Variants in BCAR3 observed in about 807,000 individuals in gnomAD.
BCAR3 encodes breast cancer anti-estrogen resistance protein 3.
In BCAR3, 37 loss-of-function variants were observed where a neutral mutation model predicts 80.1. The observed-to-expected ratio is 0.46, with a 90% CI of 0.36 to 0.61. The LOEUF (loss-of-function observed/expected upper bound fraction) is 0.61. Among genes scored for constraint, BCAR3 ranks in the 20% least tolerant of loss-of-function variants. The pLI, the probability that BCAR3 is intolerant of heterozygous loss-of-function variation, is 0.00. For synonymous variants in BCAR3, 389 were observed against 418.9 expected, an observed-to-expected ratio of 0.93 and a Z score of 0.87; for missense variants, 978 against 1,068.2, an observed-to-expected ratio of 0.92 and a Z score of 1.18.
intron 2 of BCAR3, among the ~76,000 whole-genome samples, chr1:93,826,564 C>T (rs1043662436): frequency 3.0e-4 from 45 of 152,250 alleles, no homozygotes; most frequent in African/African-American, 1.1e-3. Flanking sequence ...GAGGGCCTAC[C>T]GTGTGCAGGA....
Position 93,589,345 on chromosome 1 carries a change from G to C in BCAR3, c.561C>G (p.Val187=). 2 of 1,613,998 alleles carry C rather than the reference G, an allele frequency of 1.2e-6. No individual in the cohort carries two copies. The highest frequency in any genetic ancestry group is 2.2e-5 in the East Asian group (1 of 44,896). ...RDSLSSPGNF[V]LTCQWKNLAQ... ...CGAGGTTCTTCCACTGACAGGTCAG[G>C]ACAAAGTTCCCAGGGCTGGACAGAG... The change falls in exon 5 of 12, where the codon GTC becomes GTG. Residue 187 remains valine, a synonymous_variant. Transcript: ENST00000260502.
intron 5 of BCAR3, among the ~76,000 whole-genome samples, 186 bp from the exon 6 acceptor site, chr1:93,584,307 T>C (rs79599593): frequency 0.011 from 1,711 of 152,282 alleles, 10 homozygotes; most frequent in South Asian, 0.019. Flanking sequence ...GGACGATTAA[T>C]ATATGACTGT....
chr1:93,757,002 G>A lies in BCAR3; in HGVS notation c.-62-50860C>T, dbSNP rs370144171. Among the ~76,000 whole-genome samples, 91 of 152,300 alleles carry A rather than the reference G, an allele frequency of 6.0e-4. 1 individual carries two copies. The highest frequency in any genetic ancestry group is 2.2e-3 in the African/African-American group (91 of 41,576). ...GCTGGACTGGCCTCTTTGGAGTTAG[G>A]GAGGGGTGGGGAGGACCTGCAGGCA... is the stretch of plus-strand genomic sequence containing the variant. On this transcript the variant is annotated intron_variant, in intron 2 of 13. Transcript: ENST00000370244.
chr1:93,681,253 T>A (rs1352819710), intron 1 of BCAR3: 1 of 151,280 alleles, frequency 6.6e-6, no homozygotes, highest in Non-Finnish European at 1.5e-5. Flanking sequence ...GGGCAGGGGG[T>A]CGGGCGAGGC....
chr1:93,834,753 T>C (rs570129143), intron 2 of BCAR3, among the ~76,000 whole-genome samples: 1 of 152,332 alleles, frequency 6.6e-6, no homozygotes, highest in East Asian at 1.9e-4. Context: ...CTGATGCACA[T>C]ACTTTCTGCC....
chr1:93,735,413 A>G (rs978505275), intron 2 of BCAR3, among the ~76,000 whole-genome samples: 1 of 152,220 alleles, frequency 6.6e-6, no homozygotes, highest in African/African-American at 2.4e-5. Context: ...CATGGCAGAC[A>G]ACATGGGATC....
At chr1:93,741,315 C>A (rs1324719557) in intron 2 of BCAR3, among the ~76,000 whole-genome samples, 7 of 152,098 alleles carry the variant, frequency 4.6e-5, no homozygotes, top group Non-Finnish European at 8.8e-5. Context: ...CTCCACAAAG[C>A]CATTACAGTT....
intron 3 of BCAR3, among the ~76,000 whole-genome samples, chr1:93,699,635 A>G (rs1328108176): frequency 6.6e-6 from 1 of 152,170 alleles, no homozygotes; most frequent in Non-Finnish European, 1.5e-5. Flanking sequence ...CCCTCCAGCC[A>G]GCCTTTCAAC....
chr1:93,762,581 C>A (rs140277800), intron 2 of BCAR3, among the ~76,000 whole-genome samples: 1 of 152,184 alleles, frequency 6.6e-6, no homozygotes, highest in Non-Finnish European at 1.5e-5. Flanking sequence ...AGGGACCTGA[C>A]GTGCTACGGA....
intron 2 of BCAR3, among the ~76,000 whole-genome samples, chr1:93,822,343 A>AT (rs34589621): frequency 0.31 from 44,901 of 142,778 alleles, 9,941 homozygotes; most frequent in African/African-American, 0.64. Context: ...CGCATGGCTA[A>AT]TTTTTTTTTT....
intron 2 of BCAR3, among the ~76,000 whole-genome samples, chr1:93,808,302 A>G (rs963117463): frequency 6.6e-6 from 1 of 152,180 alleles, no homozygotes; most frequent in African/African-American, 2.4e-5. Context: ...CAGAGCACCA[A>G]GAATAAAAAG....
intron 2 of BCAR3, among the ~76,000 whole-genome samples, chr1:93,772,032 C>T (rs529998182): frequency 2.0e-5 from 3 of 152,244 alleles, no homozygotes; most frequent in Admixed American, 6.5e-5. Context: ...ATAATGTCAA[C>T]GGAAGGCTAG....
chr1:93,696,796 C>A (rs552735036), intron 3 of BCAR3, among the ~76,000 whole-genome samples: 1 of 152,330 alleles, frequency 6.6e-6, no homozygotes, highest in East Asian at 1.9e-4. Context: ...AACTCCCATC[C>A]CTTGCCCAGG....
chr1:93,705,478 C>A (rs1649800595), intron 3 of BCAR3, among the ~76,000 whole-genome samples: 2 of 152,176 alleles, frequency 1.3e-5, no homozygotes, highest in Admixed American at 1.3e-4. Context: ...CCACCTCCAG[C>A]CCTAACACTC....
At chr1:93,745,740 G>C (rs1245244201) in intron 2 of BCAR3, among the ~76,000 whole-genome samples, 1 of 152,142 alleles carries the variant, frequency 6.6e-6, no homozygotes, top group Non-Finnish European at 1.5e-5. Context: ...GAAAAGTAAG[G>C]CTTTTAAGAA....
intron 2 of BCAR3, among the ~76,000 whole-genome samples, chr1:93,730,355 T>C (rs890959632): frequency 7.2e-5 from 11 of 152,174 alleles, no homozygotes; most frequent in African/African-American, 1.9e-4. Context: ...GCTTCAAAAC[T>C]GGGCTGACAG....
intron 2 of BCAR3, among the ~76,000 whole-genome samples, chr1:93,643,061 C>T (rs1676035090): frequency 6.6e-6 from 1 of 151,926 alleles, no homozygotes; most frequent in African/African-American, 2.4e-5. Context: ...AACCCCGTCT[C>T]TACTAAAAAT....
At chr1:93,738,342 T>C (rs993672299) in intron 2 of BCAR3, among the ~76,000 whole-genome samples, 1 of 152,172 alleles carries the variant, frequency 6.6e-6, no homozygotes, top group African/African-American at 2.4e-5. Flanking sequence ...AAAAGGGAAA[T>C]TTAAAATGAA....
intron 5 of BCAR3, chr1:93,585,059 A>C (rs1673888195): frequency 2.0e-6 from 2 of 985,482 alleles, no homozygotes; most frequent in Non-Finnish European, 2.4e-6. Flanking sequence ...AAGATAAGAC[A>C]AGACCGAGGG....
Sources: gnomAD v4.1 joint callset for allele counts (sites outside exome capture counted in the v4.1 genomes callset) on GRCh38, gnomAD v4.1.1 for gene constraint, MANE v1.5 for transcripts, NCBI Gene and HGNC (gene_info 2026-07-23, HGNC 2026-07-21) for gene names.